The following ITGA1 variants were observed in gnomAD, a reference collection of about 807,000 sequenced individuals.
The protein encoded by ITGA1 is integrin subunit alpha 1.
In ITGA1, 85 loss-of-function variants were observed where a neutral mutation model predicts 145.9. That is an observed-to-expected ratio of 0.58 (90% CI 0.49 to 0.70). The LOEUF (loss-of-function observed/expected upper bound fraction) is 0.70, where lower values mean the gene tolerates loss of function less well. Among genes scored for constraint, ITGA1 ranks in the 30% least tolerant of loss-of-function variants. ITGA1 has a pLI of 0.00. For missense variants in ITGA1, 1,351 were observed against 1,418.7 expected (o/e 0.95, Z 0.77); for synonymous variants, 520 against 495.3 (o/e 1.05, Z -0.66).
chr5:52,880,435 T>C (rs1160138889), intron 6 of ITGA1, among the ~76,000 whole-genome samples: 1 of 152,178 alleles, frequency 6.6e-6, no homozygotes, highest in Non-Finnish European at 1.5e-5. Context: ...TGCTTTAAAT[T>C]TGGGCTTCTC....
chr5:52,934,201 T>C (rs1282643039), intron 23 of ITGA1, among the ~76,000 whole-genome samples: 3 of 150,982 alleles, frequency 2.0e-5, no homozygotes, highest in Non-Finnish European at 4.4e-5. Flanking sequence ...ATAATTTCAC[T>C]GAAGATTTAA....
intron 1 of ITGA1, among the ~76,000 whole-genome samples, chr5:52,807,349 T>A (rs1748604047): frequency 1.3e-5 from 2 of 152,164 alleles, no homozygotes; most frequent in African/African-American, 4.8e-5. Flanking sequence ...TGGTAAGTGC[T>A]TTAAAATGCA....
Position 52,940,499 on chromosome 5 carries a change from C to T in ITGA1, c.3285+555C>T, listed in dbSNP as rs568869467. Among the ~76,000 whole-genome samples, 299 of 151,446 alleles carry T rather than the reference C, an allele frequency of 2.0e-3. 4 individuals carry two copies. The highest frequency in any genetic ancestry group is 3.1e-3 in the Admixed American group (47 of 15,234). Reference sequence around the variant, plus strand: ...TCTCAGCTCACTGCAAGCTCCACCTCCCGGGTTCACGCCATTCTCCTGCCT... The same window carrying T: ...TCTCAGCTCACTGCAAGCTCCACCTTCCGGGTTCACGCCATTCTCCTGCCT... On this transcript the variant is annotated intron_variant, in intron 26 of 28. Transcript: ENST00000282588.
chr5:52,899,326 GTT>G (rs1750279889), intron 11 of ITGA1, among the ~76,000 whole-genome samples: 1 of 152,142 alleles, frequency 6.6e-6, no homozygotes, highest in Non-Finnish European at 1.5e-5. Flanking sequence ...TTACTGCGGT[GTT>G]TATACATCTC....
intron 1 of ITGA1, among the ~76,000 whole-genome samples, chr5:52,806,439 A>G (rs1748589115): frequency 1.3e-5 from 2 of 152,096 alleles, no homozygotes; most frequent in South Asian, 4.1e-4. Context: ...TCACGTAGAA[A>G]TAAAAAAATT....
chr5:52,853,605 CT>C (rs960971763), intron 2 of ITGA1, among the ~76,000 whole-genome samples: 6 of 152,154 alleles, frequency 3.9e-5, no homozygotes, highest in African/African-American at 1.4e-4. Flanking sequence ...AGCTTTAATT[CT>C]TTCGAAAGAA....
chr5:52,849,439 A>T lies in ITGA1; in HGVS notation c.136A>T (p.Met46Leu). ...SMTFSGPVED[M>L]FGYTVQQYEN... ...GACTTTCAGCGGCCCGGTGGAAGAC[A>T]TGTTTGGATATACTGTTCAACAATA... is the stretch of plus-strand genomic sequence containing the variant. Residue 46 changes from methionine to leucine, a missense_variant, in exon 2 of 29, where the codon ATG becomes TTG. By Grantham distance (15) the Met-to-Leu change is conservative. Transcript: ENST00000282588. The T allele has an allele frequency of 1.2e-6, 2 of 1,611,964 alleles. No individual in the cohort carries two copies. The highest frequency in any genetic ancestry group is 1.7e-6 in the Non-Finnish European group (2 of 1,179,282).
At chr5:52,805,767 A>G (rs1049573095) in intron 1 of ITGA1, among the ~76,000 whole-genome samples, 3 of 152,058 alleles carry the variant, frequency 2.0e-5, no homozygotes, top group Non-Finnish European at 4.4e-5. Flanking sequence ...TTAACATAGT[A>G]TCTCTGATTT....
Position 52,952,914 on chromosome 5 carries a change from T to C in ITGA1, c.*463T>C, listed in dbSNP as rs1751246573. On this transcript the variant is annotated 3_prime_UTR_variant, in exon 29 of 29. Coordinates refer to ENST00000282588, the MANE Select transcript of ITGA1 (RefSeq NM_181501.2). ...GAAAAGAATTACCTGAAAAAGATCA[T>C]TTCTCCCTATTCAAATGAGAATATT... 1 of 152,280 alleles carries C rather than the reference T, an allele frequency of 6.6e-6. No individual in the cohort carries two copies. The highest frequency in any genetic ancestry group is 2.4e-5 in the African/African-American group (1 of 41,448). 9.4% of individuals were successfully genotyped at this position (152,280 alleles called of 1,614,324 possible).
chr5:52,885,633 G>T (rs1204802941), intron 7 of ITGA1, among the ~76,000 whole-genome samples: 1 of 152,180 alleles, frequency 6.6e-6, no homozygotes, highest in East Asian at 1.9e-4. Flanking sequence ...AATGATTCAT[G>T]AATCAGGCAG....
At chr5:52,800,811 T>G (rs1223761207) in intron 1 of ITGA1, 3 of 1,611,728 alleles carry the variant, frequency 1.9e-6, no homozygotes, top group Non-Finnish European at 2.5e-6. Flanking sequence ...ATGTGGCGGC[T>G]GTGGTCATGC....
At chr5:52,812,068 T>C (rs1748691362) in intron 1 of ITGA1, among the ~76,000 whole-genome samples, 1 of 152,234 alleles carries the variant, frequency 6.6e-6, no homozygotes, top group Non-Finnish European at 1.5e-5. Context: ...TTAGCTTTAA[T>C]GTGTCCTGTG....
Position 52,839,248 on chromosome 5 carries a change from T to TA in ITGA1, c.62-10111dup, listed in dbSNP as rs1055537395. Among the ~76,000 whole-genome samples, 8 of 152,364 alleles carry TA rather than the reference T, an allele frequency of 5.3e-5. No individual in the cohort carries two copies. The East Asian group carries it at 1.5e-3, about 29-fold the overall frequency. On this transcript the variant is annotated intron_variant, in intron 1 of 28. Transcript: ENST00000282588. ...TAAGGCATATGAATGATCATATTTC[T>TA]AAAAAACTTTTTACTTTGGCTCCTA...
intron 1 of ITGA1, among the ~76,000 whole-genome samples, chr5:52,838,231 A>G (rs1264819683): frequency 6.6e-6 from 1 of 152,210 alleles, no homozygotes; most frequent in Non-Finnish European, 1.5e-5. Context: ...ATACAGAATC[A>G]TTTTAGTTTA....
chr5:52,853,549 C>T (rs1749459809), intron 2 of ITGA1, among the ~76,000 whole-genome samples: 1 of 152,172 alleles, frequency 6.6e-6, no homozygotes, highest in South Asian at 2.1e-4. Context: ...ATAGAAGGAG[C>T]ACTTGTTAGC....
chr5:52,883,041 C>G (rs980392357), intron 7 of ITGA1: 2 of 152,148 alleles, frequency 1.3e-5, no homozygotes, highest in Non-Finnish European at 2.9e-5. Flanking sequence ...AGAAAATCAT[C>G]TGGCTCTAGT....
At chr5:52,822,385 A>G (rs1748892888) in intron 1 of ITGA1, among the ~76,000 whole-genome samples, 1 of 152,180 alleles carries the variant, frequency 6.6e-6, no homozygotes, top group Non-Finnish European at 1.5e-5. Flanking sequence ...TTAAAATGAA[A>G]CTCAGTCCTC....
chr5:52,901,570 A>G (rs1023633684), intron 11 of ITGA1, among the ~76,000 whole-genome samples: 2 of 152,208 alleles, frequency 1.3e-5, no homozygotes, highest in African/African-American at 4.8e-5. Flanking sequence ...ACTCTTAGGA[A>G]GCCCACACAT....
In ITGA1 at chr5:52,915,465, G is replaced by T. The variant is rs200170543; in HGVS notation, c.1859G>T (p.Arg620Leu). The stretch of plus-strand genomic sequence containing the variant: ...ACTCTTTTTTTTGGATTCTCACAGC[G>T]TATTCCATCAGGTGGGGATGGTAAG... ...GKTIRKEYAQ[R>L]IPSGGDGKTL... Residue 620 changes from arginine to leucine, a missense_variant and splice_region_variant, in exon 15 of 29, where the codon CGT (arginine) becomes CTT (leucine). Physicochemically the swap from Arg to Leu is moderately radical, Grantham distance 102. Coordinates refer to ENST00000282588, the MANE Select transcript of ITGA1 (RefSeq NM_181501.2). 1.1e-5 allele frequency: 18 copies of T among 1,613,572 alleles called. No homozygotes were observed. The highest frequency in any genetic ancestry group is 2.5e-6 in the Non-Finnish European group (3 of 1,179,770).
Sources: allele counts gnomAD v4.1 joint callset (sites outside exome capture counted in the v4.1 genomes callset), GRCh38; gene constraint gnomAD v4.1.1; transcripts MANE v1.5; gene names NCBI Gene and HGNC (gene_info 2026-07-23, HGNC 2026-07-21).